MSH3: variants seen among roughly 807,000 people sequenced by gnomAD.
MSH3 encodes the protein DNA mismatch repair protein Msh3.
MSH3 carries 106 observed loss-of-function variants against 123.3 expected under a neutral mutation model. The observed-to-expected ratio is 0.86, with a 90% CI of 0.73 to 1.01. The LOEUF is 1.01. Among genes scored for constraint, MSH3 ranks in the 50% least tolerant of loss-of-function variants. The pLI is 0.00. For missense variants in MSH3, 1,459 were observed against 1,347.6 expected (o/e 1.08, Z -1.29); for synonymous variants, 515 against 481.4 (o/e 1.07, Z -0.91).
chr5:80,744,685 C>A, intron 12 of MSH3, 70 bp downstream of exon 12: 1 of 1,069,646 alleles, frequency 9.3e-7, no homozygotes, highest in Non-Finnish European at 1.4e-6. Flanking sequence ...CATTTTAAAA[C>A]CAAGGTTACC....
chr5:80,689,803 A>G (rs1750187117), intron 8 of MSH3, among the ~76,000 whole-genome samples: 1 of 151,936 alleles, frequency 6.6e-6, no homozygotes, highest in Admixed American at 6.6e-5. Flanking sequence ...GGTACAGAAT[A>G]AAAGTGTCAT....
chr5:80,808,622 A>C (rs1329541653), intron 19 of MSH3, among the ~76,000 whole-genome samples: 1 of 152,024 alleles, frequency 6.6e-6, no homozygotes, highest in East Asian at 1.9e-4. Context: ...ATATATACAA[A>C]GAATTGATTT....
At chr5:80,808,884 C>CTATATATATATATATATAGATATAT (rs1561485262) in intron 19 of MSH3, among the ~76,000 whole-genome samples, 1 of 118,676 alleles carries the variant, frequency 8.4e-6, no homozygotes, top group African/African-American at 3.0e-5. Flanking sequence ...TATATATATA[C>CTATATATATATATATATAGATATAT]ACAATCTAAA....
At position 80,697,426 on chromosome 5, in the gene MSH3, A is replaced by T. The variant is rs542162774; in HGVS notation, c.1340+18333A>T. On this transcript the variant is annotated intron_variant, in intron 8 of 23. Coordinates refer to ENST00000265081, the MANE Select transcript of MSH3 (RefSeq NM_002439.5). ...TATTTACTTAAGGTATATTAAAAAC[A>T]TATAATCAGTGAATCAAACCTGTGA... 1.7e-3 allele frequency among the ~76,000 whole-genome samples: 260 copies of T among 152,372 alleles called. 2 individuals carry two copies. Among genetic ancestry groups the T allele is most frequent in the African/African-American group, 5.9e-3 (247 of 41,586 alleles).
chr5:80,817,367 T>G (rs992290731), intron 20 of MSH3, among the ~76,000 whole-genome samples: 1 of 152,142 alleles, frequency 6.6e-6, no homozygotes, highest in East Asian at 1.9e-4. Context: ...ACACTGCAGT[T>G]AAAAGAGGGC....
At chr5:80,838,956 A>T (rs993941194) in intron 20 of MSH3, among the ~76,000 whole-genome samples, 1 of 152,236 alleles carries the variant, frequency 6.6e-6, no homozygotes, top group South Asian at 2.1e-4. Context: ...AAATAGATAC[A>T]TAGAAAAGTT....
At chr5:80,866,647 A>G (rs1446615218) in intron 22 of MSH3, among the ~76,000 whole-genome samples, 1 of 152,016 alleles carries the variant, frequency 6.6e-6, no homozygotes, top group Non-Finnish European at 1.5e-5. Context: ...TTATTGATGG[A>G]CCTCTCATTG....
At position 80,671,653 on chromosome 5, in the gene MSH3, G is replaced by T. The variant is rs528612963; in HGVS notation, c.793-591G>T. 7.2e-5 allele frequency among the ~76,000 whole-genome samples: 11 copies of T among 152,260 alleles called. No individual in the cohort carries two copies. The East Asian group carries it at 2.1e-3, about 29-fold the overall frequency. On this transcript the variant is annotated intron_variant, in intron 4 of 23. Transcript: ENST00000265081. ...CAGAGAAGGGGTGAGGTTGGGGAGCGAGAGTGTTAGAATTAGAGTTCCATG... is the reference window on the plus strand; with the variant it reads ...CAGAGAAGGGGTGAGGTTGGGGAGCTAGAGTGTTAGAATTAGAGTTCCATG...
chr5:80,662,567 C>T (rs1317482669), intron 2 of MSH3, among the ~76,000 whole-genome samples: 1 of 152,116 alleles, frequency 6.6e-6, no homozygotes, highest in African/African-American at 2.4e-5. Flanking sequence ...TGGCTCACGC[C>T]TTTAATCACA....
intron 18 of MSH3, among the ~76,000 whole-genome samples, chr5:80,791,249 A>C (rs1017704370): frequency 2.0e-5 from 3 of 152,232 alleles, no homozygotes; most frequent in African/African-American, 7.2e-5. Context: ...TGGTGTTGAT[A>C]AGTCAAAAAA....
At chr5:80,806,287 G>A (rs555842513) in intron 19 of MSH3, among the ~76,000 whole-genome samples, 18 of 152,090 alleles carry the variant, frequency 1.2e-4, no homozygotes, top group African/African-American at 2.4e-4. Flanking sequence ...TGGTAGAGAC[G>A]GGGTTTCTCC....
At chr5:80,840,584 T>C (rs1054856796) in intron 20 of MSH3, among the ~76,000 whole-genome samples, 3 of 152,162 alleles carry the variant, frequency 2.0e-5, no homozygotes, top group Admixed American at 1.3e-4. Context: ...CGGCTAATTT[T>C]TGGGTTTTTG....
intron 10 of MSH3, among the ~76,000 whole-genome samples, chr5:80,734,258 A>G (rs935117014): frequency 6.6e-6 from 1 of 152,224 alleles, no homozygotes; most frequent in Admixed American, 6.5e-5. Context: ...GCAAATCCAT[A>G]GAGAGAAAGT....
intron 8 of MSH3, among the ~76,000 whole-genome samples, chr5:80,681,461 A>C (rs1320572213): frequency 6.6e-6 from 1 of 152,066 alleles, no homozygotes; most frequent in Admixed American, 6.6e-5. Flanking sequence ...GGAAATCATC[A>C]GAAATGCACA....
intron 8 of MSH3, among the ~76,000 whole-genome samples, chr5:80,719,913 G>A (rs1199701332): frequency 6.6e-6 from 1 of 152,334 alleles, no homozygotes; most frequent in South Asian, 2.1e-4. Context: ...AAAGCGCCGA[G>A]TACTGGGCCT....
chr5:80,838,510 C>T (rs887617448), intron 20 of MSH3, among the ~76,000 whole-genome samples: 2 of 152,192 alleles, frequency 1.3e-5, no homozygotes, highest in African/African-American at 2.4e-5. Flanking sequence ...TATGTTATCA[C>T]ATTTGAGTCT....
intron 17 of MSH3, among the ~76,000 whole-genome samples, chr5:80,785,969 C>A (rs1017087127): frequency 7.6e-6 from 1 of 131,548 alleles, no homozygotes; most frequent in Middle Eastern, 3.9e-3. Flanking sequence ...GGAAGGGGAA[C>A]ATCACACTCT....
chr5:80,788,055 C>T (rs907495148), intron 18 of MSH3, among the ~76,000 whole-genome samples: 2 of 152,158 alleles, frequency 1.3e-5, no homozygotes, highest in African/African-American at 4.8e-5. Flanking sequence ...ATATTCATCC[C>T]ACTATTCTTT....
intron 8 of MSH3, among the ~76,000 whole-genome samples, chr5:80,721,561 T>G (rs150054536): frequency 1.4e-4 from 22 of 152,346 alleles, no homozygotes; most frequent in Admixed American, 1.2e-3. Flanking sequence ...TTTGTCTGCT[T>G]CTTCTCACAT....
Sources: allele counts gnomAD v4.1 joint callset (sites outside exome capture counted in the v4.1 genomes callset), GRCh38; gene constraint gnomAD v4.1.1; transcripts MANE v1.5; gene names NCBI Gene and HGNC (gene_info 2026-07-23, HGNC 2026-07-21).